APAF1: variants seen among roughly 807,000 people sequenced by gnomAD.
APAF1 encodes apoptotic protease-activating factor 1.
A neutral mutation model predicts 152.4 loss-of-function variants in APAF1; 91 were observed. The observed-to-expected ratio is 0.60, with a 90% CI of 0.50 to 0.71. The LOEUF is 0.71. Among genes scored for constraint, APAF1 ranks in the 30% least tolerant of loss-of-function variants. The pLI is 0.00. For synonymous variants in APAF1, 484 were observed against 494.1 expected (o/e 0.98, Z 0.27); for missense variants, 1,283 against 1,472.0 (o/e 0.87, Z 2.10).
At position 98,648,833 on chromosome 12, in the gene APAF1, C is replaced by T. The variant is rs750740410; in HGVS notation, c.328+18C>T. ...TTCGTATGGTTTGTATCCATTATAC[C>T]TTCTATCACTTTGCTATCAAAATTG... On this transcript the variant is annotated intron_variant, in intron 3 of 26. Coordinates refer to ENST00000551964, the MANE Select transcript of APAF1 (RefSeq NM_181861.2). 4.0e-5 allele frequency: 64 copies of T among 1,606,472 alleles called. No homozygotes were observed. Among genetic ancestry groups the T allele is most frequent in the Non-Finnish European group, 5.0e-5 (59 of 1,173,874 alleles).
At chr12:98,712,595 C>T (rs1200915106) in intron 21 of APAF1, 160 bp downstream of exon 21, 1 of 605,428 alleles carries the variant, frequency 1.7e-6, no homozygotes, top group Admixed American at 2.6e-5. Flanking sequence ...CAGCCGACTG[C>T]AGCCTTGACC....
At chr12:98,665,274 AT>A (rs2097670898) in intron 7 of APAF1, among the ~76,000 whole-genome samples, 2 of 107,514 alleles carry the variant, frequency 1.9e-5, no homozygotes, top group African/African-American at 7.4e-5. Context: ...ATATATATAT[AT>A]ATATTTTTTT....
chr12:98,648,200 A>G lies in APAF1; in HGVS notation c.-41-119A>G, dbSNP rs185846240. 837 of 939,234 alleles carry G rather than the reference A, an allele frequency of 8.9e-4. 2 individuals carry two copies. Among genetic ancestry groups the G allele is most frequent in the Admixed American group, 1.1e-3 (54 of 47,400 alleles). 58.2% of individuals were successfully genotyped at this position (939,234 alleles called of 1,614,324 possible). On this transcript the variant is annotated intron_variant, in intron 1 of 26. Coordinates refer to ENST00000551964, the MANE Select transcript of APAF1 (RefSeq NM_181861.2). Reference sequence around the variant, plus strand: ...AGCACTGGGTTTTGTCCATTTAAAAATTTTTGCCAAGGAAAAAAAATCAGT... The same window carrying G: ...AGCACTGGGTTTTGTCCATTTAAAAGTTTTTGCCAAGGAAAAAAAATCAGT...
Position 98,665,714 on chromosome 12 carries a change from G to T in APAF1, c.1117G>T (p.Glu373Ter). The T allele has an allele frequency of 6.2e-7, 1 of 1,614,046 alleles. No individual in the cohort carries two copies. The highest frequency in any genetic ancestry group is 8.5e-7 in the Non-Finnish European group (1 of 1,179,978). Reference protein sequence around the residue: ...ALDEAMSISVEMLREDIKDYY... With the variant: ...ALDEAMSISV The stretch of plus-strand genomic sequence containing the variant: ...AGATGAAGCCATGTCTATAAGTGTT[G>T]AAATGCTCAGAGAAGACATCAAAGA... Residue 373 changes from glutamate (E) to a stop codon, truncating the protein, a stop_gained, in exon 8 of 27, where the codon GAA (glutamate) becomes TAA (stop). Transcript: ENST00000551964. LOFTEE classifies it high-confidence loss of function.
intron 8 of APAF1, 62 bp downstream of exon 8, chr12:98,665,853 T>G: frequency 7.3e-7 from 1 of 1,365,060 alleles, no homozygotes; most frequent in Non-Finnish European, 1.0e-6. Flanking sequence ...GATATAGTAC[T>G]GAGCATGTTG....
chr12:98,646,248 A>C (rs1289907080), intron 1 of APAF1, among the ~76,000 whole-genome samples: 2 of 152,230 alleles, frequency 1.3e-5, no homozygotes, highest in East Asian at 3.8e-4. Context: ...TTGTTTTTTC[A>C]CATCGAATTT....
At chr12:98,697,596 C>CT (rs776837005) in intron 16 of APAF1, among the ~76,000 whole-genome samples, 28 of 152,136 alleles carry the variant, frequency 1.8e-4, no homozygotes, top group Non-Finnish European at 3.4e-4. Flanking sequence ...GTGATTGTGG[C>CT]TCACAGAGCA....
chr12:98,702,942 G>T lies in APAF1; in HGVS notation c.2467-429G>T, dbSNP rs113385506. Among the ~76,000 whole-genome samples the T allele has an allele frequency of 9.9e-3, 1,503 of 152,022 alleles. 25 individuals are homozygous for T. The highest frequency in any genetic ancestry group is 0.034 in the African/African-American group (1,417 of 41,474). On this transcript the variant is annotated intron_variant, in intron 17 of 26. Coordinates refer to ENST00000551964, the MANE Select transcript of APAF1 (RefSeq NM_181861.2). Reference sequence around the variant, plus strand: ...TTGACTATAATGGAGCAATTTGGTAGTTCTAGAGAGAAATAAAAATGACTG... The same window carrying T: ...TTGACTATAATGGAGCAATTTGGTATTTCTAGAGAGAAATAAAAATGACTG...
intron 13 of APAF1, 108 bp downstream of exon 13, chr12:98,677,659 CAG>C (rs2097688041): frequency 8.0e-7 from 1 of 1,243,292 alleles, no homozygotes; most frequent in Non-Finnish European, 1.2e-6. Context: ...TTAGAAATAA[CAG>C]AGGAATCCAG....
chr12:98,667,270 TA>T (rs2097674202), intron 9 of APAF1, among the ~76,000 whole-genome samples: 1 of 152,014 alleles, frequency 6.6e-6, no homozygotes, highest in East Asian at 1.9e-4. Context: ...TGATTTTTTT[TA>T]TTTTTTATTT....
chr12:98,713,810 C>A (rs2097730835), intron 21 of APAF1, among the ~76,000 whole-genome samples: 1 of 152,096 alleles, frequency 6.6e-6, no homozygotes, highest in Non-Finnish European at 1.5e-5. Context: ...CACAAATATT[C>A]TCTAGTCCAT....
At chr12:98,725,353 T>A in intron 24 of APAF1, 62 bp from the exon 25 acceptor site, 1 of 1,606,158 alleles carries the variant, frequency 6.2e-7, no homozygotes, top group Non-Finnish European at 8.5e-7. Flanking sequence ...TGAATAGCAA[T>A]CAAGGCAGAT....
intron 26 of APAF1, 93 bp from the exon 27 acceptor site, chr12:98,732,327 G>C (rs1202033772): frequency 3.5e-6 from 4 of 1,131,746 alleles, no homozygotes; most frequent in Non-Finnish European, 5.3e-6. Context: ...GTTCGGTTGG[G>C]GGGAGGAGAT....
chr12:98,667,615 T>TGCCAAG lies in APAF1; in HGVS notation c.1465_1466insGCCAAG (p.Tyr489delinsCysGlnAsp), dbSNP rs1381507157. ...TATGTATTGGTACAACTTTCTGGCC[T>TGCCAAG]ATCACATGGCCAGTGCCAAGATGCA... On this transcript the variant is annotated protein_altering_variant, in exon 10 of 27. Coordinates refer to ENST00000551964, the MANE Select transcript of APAF1 (RefSeq NM_181861.2). 6.2e-7 allele frequency: 1 copy of TGCCAAG among 1,613,904 alleles called. No homozygotes were observed. The highest frequency in any genetic ancestry group is 1.7e-5 in the Admixed American group (1 of 60,022).
At chr12:98,704,137 G>GT (rs1407095172) in intron 18 of APAF1, among the ~76,000 whole-genome samples, 4 of 144,926 alleles carry the variant, frequency 2.8e-5, no homozygotes, top group African/African-American at 7.6e-5. Flanking sequence ...TTTTTTTTTT[G>GT]TTTTTTAATA....
chr12:98,683,065 C>A (rs1286421566), intron 14 of APAF1, 78 bp from the exon 15 acceptor site: 7 of 1,136,672 alleles, frequency 6.2e-6, no homozygotes, highest in Non-Finnish European at 9.1e-6. Flanking sequence ...ATTTGCAAAG[C>A]AATGGACATT....
chr12:98,689,038 C>T (rs2097701191), intron 16 of APAF1, among the ~76,000 whole-genome samples: 1 of 152,088 alleles, frequency 6.6e-6, no homozygotes, highest in Admixed American at 6.5e-5. Flanking sequence ...TGGTCTGAAA[C>T]TCCTGGGCTC....
intron 26 of APAF1, among the ~76,000 whole-genome samples, chr12:98,727,814 G>T (rs1170620592): frequency 6.6e-6 from 1 of 151,752 alleles, no homozygotes; most frequent in Non-Finnish European, 1.5e-5. Context: ...GGTGGCATAT[G>T]CCTGTAATCC....
intron 16 of APAF1, among the ~76,000 whole-genome samples, chr12:98,698,361 A>G (rs540975748): frequency 7.2e-5 from 11 of 152,158 alleles, no homozygotes; most frequent in African/African-American, 2.7e-4. Context: ...CCTGATTTTC[A>G]TATTAATAGG....
Sources: gnomAD v4.1 joint callset for allele counts (sites outside exome capture counted in the v4.1 genomes callset) on GRCh38, gnomAD v4.1.1 for gene constraint, MANE v1.5 for transcripts, NCBI Gene and HGNC (gene_info 2026-07-23, HGNC 2026-07-21) for gene names.